Variants in OR56A3 observed in about 807,000 individuals in gnomAD.
OR56A3 encodes the protein olfactory receptor family 56 subfamily A member 3, also known as olfactory receptor 56A3.
OR56A3 carries 23 observed loss-of-function variants against 17.5 expected under a neutral mutation model. The ratio of observed to expected loss-of-function variants is 1.32; its 90% CI spans 0.95 to 1.87. The LOEUF (loss-of-function observed/expected upper bound fraction) is 1.87, where lower values mean the gene tolerates loss of function less well. Ranked by LOEUF, OR56A3 falls within the 40% of genes most tolerant of loss-of-function variation. The pLI is 0.00. For synonymous variants in OR56A3, 175 were observed against 150.6 expected (o/e 1.16, Z -1.19); for missense variants, 366 against 380.1 (o/e 0.96, Z 0.31).
At chr11:5,966,225 A>G in the OR56A3 span, among the ~76,000 whole-genome samples, 1 of 150,208 alleles carries the variant, frequency 6.7e-6, no homozygotes, top group African/African-American at 2.5e-5. Flanking sequence ...AAAAAAAAAA[A>G]AAACCGGGCA....
chr11:5,958,128 CT>C, the OR56A3 span, among the ~76,000 whole-genome samples: 1 of 151,992 alleles, frequency 6.6e-6, no homozygotes, highest in Non-Finnish European at 1.5e-5. Flanking sequence ...TTTGAGATCT[CT>C]TTTTTTTCTA....
At chr11:5,976,184 A>G in the OR56A3 span, among the ~76,000 whole-genome samples, 1 of 151,810 alleles carries the variant, frequency 6.6e-6, no homozygotes, top group East Asian at 1.9e-4. Context: ...GATGGGAGAC[A>G]GAAAACAGGG....
At position 5,947,925 on chromosome 11, in the gene OR56A3, CGAT is replaced by C; in HGVS notation, c.584_586del (p.Asp195del). ...ATATGTCTGTTTCCAGACTCTCCTG[CGAT>C]GATGTCACCATCAATCACCTTTACC... On this transcript the variant is annotated inframe_deletion, in exon 3 of 3. Coordinates refer to ENST00000641160, the MANE Select transcript of OR56A3 (RefSeq NM_001003443.3). 6.2e-7 allele frequency: 1 copy of C among 1,614,008 alleles called. No individual in the cohort carries two copies. Among genetic ancestry groups the C allele is most frequent in the Non-Finnish European group, 8.5e-7 (1 of 1,179,870 alleles).
the OR56A3 span, among the ~76,000 whole-genome samples, chr11:5,972,216 TC>T: frequency 6.6e-6 from 1 of 152,190 alleles, no homozygotes; most frequent in Non-Finnish European, 1.5e-5. Context: ...TGCATGAAGT[TC>T]TCAGCCACAG....
At chr11:5,974,271 T>C in the OR56A3 span, among the ~76,000 whole-genome samples, 2 of 152,138 alleles carry the variant, frequency 1.3e-5, no homozygotes, top group South Asian at 4.2e-4. Context: ...CACGCCTGGC[T>C]AATTTTTGTA....
At chr11:5,974,601 T>C in the OR56A3 span, among the ~76,000 whole-genome samples, 2 of 152,210 alleles carry the variant, frequency 1.3e-5, no homozygotes, top group East Asian at 3.8e-4. Flanking sequence ...ACATTAAATG[T>C]AGCATGGAAT....
chr11:6,003,889 T>TG, the OR56A3 span, among the ~76,000 whole-genome samples: 1 of 152,226 alleles, frequency 6.6e-6, no homozygotes, highest in South Asian at 2.1e-4. Context: ...TTCTTCCTTG[T>TG]GACCAGGATC....
the OR56A3 span, among the ~76,000 whole-genome samples, chr11:5,999,101 T>C: frequency 1.3e-5 from 2 of 152,182 alleles, no homozygotes; most frequent in African/African-American, 2.4e-5. Flanking sequence ...TATGTTCAAC[T>C]AAAGGTCTTA....
the OR56A3 span, among the ~76,000 whole-genome samples, chr11:6,014,244 T>C: frequency 1.3e-5 from 2 of 152,128 alleles, no homozygotes; most frequent in South Asian, 2.1e-4. Context: ...CACTATGATA[T>C]AGTTTGGATC....
At chr11:5,958,128 C>CT in the OR56A3 span, among the ~76,000 whole-genome samples, 2 of 152,110 alleles carry the variant, frequency 1.3e-5, no homozygotes, top group African/African-American at 4.8e-5. Flanking sequence ...TTTGAGATCT[C>CT]TTTTTTTTCT....
chr11:5,968,367 C>G, the OR56A3 span: 15 of 1,613,762 alleles, frequency 9.3e-6, no homozygotes, highest in East Asian at 3.3e-4. Flanking sequence ...GGCATTGGCC[C>G]CCATGGCCAG....
chr11:5,979,122 T>A, the OR56A3 span, among the ~76,000 whole-genome samples: 1 of 151,444 alleles, frequency 6.6e-6, no homozygotes, highest in East Asian at 1.9e-4. Flanking sequence ...AGCTAGTATT[T>A]TTTTTTTTTT....
chr11:5,983,124 T>C, the OR56A3 span, among the ~76,000 whole-genome samples: 1 of 152,280 alleles, frequency 6.6e-6, no homozygotes, highest in Middle Eastern at 3.4e-3. Context: ...AATACCTTAC[T>C]CTTGTTTACC....
the OR56A3 span, among the ~76,000 whole-genome samples, chr11:5,962,602 A>G: frequency 1.2e-4 from 18 of 147,200 alleles, no homozygotes; most frequent in African/African-American, 4.0e-4. Flanking sequence ...GCAGTGGCGC[A>G]ATCTCGGCTC....
At chr11:5,965,614 A>G in the OR56A3 span, among the ~76,000 whole-genome samples, 3 of 152,246 alleles carry the variant, frequency 2.0e-5, no homozygotes, top group Non-Finnish European at 4.4e-5. Flanking sequence ...ACTTTTATTC[A>G]TCAAAATAAC....
the OR56A3 span, chr11:6,002,720 G>T: frequency 3.2e-5 from 51 of 1,614,074 alleles, no homozygotes; most frequent in African/African-American, 6.1e-4. Context: ...TCGACCTGAG[G>T]TCAAACCAGA....
the OR56A3 span, chr11:6,020,146 C>T: frequency 6.6e-6 from 1 of 152,076 alleles, no homozygotes; most frequent in South Asian, 2.1e-4. Flanking sequence ...AAGAATTCTG[C>T]ATAAACTCAA....
chr11:5,966,719 C>A, the OR56A3 span, among the ~76,000 whole-genome samples: 1 of 151,942 alleles, frequency 6.6e-6, no homozygotes, highest in Non-Finnish European at 1.5e-5. Context: ...AAGATTGAGA[C>A]AAGAGGACTG....
At chr11:5,986,312 A>G in the OR56A3 span, 1 of 1,614,036 alleles carries the variant, frequency 6.2e-7, no homozygotes, top group East Asian at 2.2e-5. Context: ...GTTTCTGAGC[A>G]GGCAAGTTTC....
Sources: allele counts gnomAD v4.1 joint callset (sites outside exome capture counted in the v4.1 genomes callset), GRCh38; gene constraint gnomAD v4.1.1; transcripts MANE v1.5; gene names NCBI Gene and HGNC (gene_info 2026-07-23, HGNC 2026-07-21).